Variants in AK9 observed in about 807,000 individuals in gnomAD.
AK9 encodes adenylate kinase domain containing 1.
AK9 carries 191 observed loss-of-function variants against 239.6 expected under a neutral mutation model. That is an observed-to-expected ratio of 0.80 (90% CI 0.71 to 0.90). AK9 has a LOEUF of 0.90. Among genes scored for constraint, AK9 ranks in the 40% least tolerant of loss-of-function variants. The probability of loss-of-function intolerance (pLI) is 0.00; values close to 1 mark genes in which losing one functional copy is unlikely to be tolerated. For synonymous variants in AK9, 689 were observed against 721.0 expected (o/e 0.96, Z 0.71); for missense variants, 1,995 against 2,214.7 (o/e 0.90, Z 1.99).
chr6:109,604,551 T>C (rs1321723629), intron 17 of AK9, among the ~76,000 whole-genome samples: 1 of 152,234 alleles, frequency 6.6e-6, no homozygotes, highest in Non-Finnish European at 1.5e-5. Flanking sequence ...AGTTTGTTTC[T>C]GTACCCTCTT....
chr6:109,516,933 C>CT (rs993423669), intron 29 of AK9, among the ~76,000 whole-genome samples: 6 of 151,838 alleles, frequency 4.0e-5, no homozygotes, highest in Non-Finnish European at 7.4e-5. Context: ...TTAAAAATTT[C>CT]TTTTTTTTCT....
At chr6:109,504,910 G>A (rs1342016070) in intron 35 of AK9, among the ~76,000 whole-genome samples, 2 of 152,170 alleles carry the variant, frequency 1.3e-5, no homozygotes, top group Non-Finnish European at 2.9e-5. Flanking sequence ...TTTTCATCTT[G>A]AGTCTGTTTC....
At chr6:109,655,794 T>G (rs989870115) in intron 8 of AK9, among the ~76,000 whole-genome samples, 2 of 152,192 alleles carry the variant, frequency 1.3e-5, no homozygotes, top group Non-Finnish European at 2.9e-5. Context: ...GTCAAGATAC[T>G]TTTATTGAAG....
intron 8 of AK9, among the ~76,000 whole-genome samples, chr6:109,655,152 T>C (rs946783670): frequency 2.0e-5 from 3 of 152,236 alleles, no homozygotes; most frequent in African/African-American, 7.2e-5. Flanking sequence ...TGTCAAAGGA[T>C]GGCCATACAA....
At chr6:109,574,451 A>T (rs534197050) in intron 20 of AK9, among the ~76,000 whole-genome samples, 10 of 152,304 alleles carry the variant, frequency 6.6e-5, no homozygotes, top group Non-Finnish European at 1.3e-4. Flanking sequence ...AGTGATAAAC[A>T]TATAAAGATA....
intron 13 of AK9, among the ~76,000 whole-genome samples, chr6:109,616,536 C>G (rs1000783006): frequency 9.0e-6 from 1 of 111,200 alleles, no homozygotes; most frequent in Admixed American, 1.1e-4. Context: ...GACCCCCACA[C>G]CCAACTAATT....
intron 38 of AK9, 103 bp from the exon 39 acceptor site, chr6:109,495,543 C>A: frequency 1.3e-6 from 1 of 763,904 alleles, no homozygotes; most frequent in Non-Finnish European, 1.9e-6. Context: ...ACTACTTTTT[C>A]TGCACTGGAG....
At chr6:109,510,383 CA>C (rs1309163586) in intron 32 of AK9, among the ~76,000 whole-genome samples, 1 of 151,962 alleles carries the variant, frequency 6.6e-6, no homozygotes, top group Non-Finnish European at 1.5e-5. Flanking sequence ...ACAGGACGAC[CA>C]ACTGCAGAGA....
At chr6:109,497,348 A>ACACAC in intron 38 of AK9, 117 bp downstream of exon 38, 1 of 623,418 alleles carries the variant, frequency 1.6e-6, no homozygotes, top group Admixed American at 2.8e-5. Context: ...ACACACACAC[A>ACACAC]CACACACACA....
At chr6:109,501,029 A>C (rs1299269543) in intron 35 of AK9, among the ~76,000 whole-genome samples, 1 of 152,188 alleles carries the variant, frequency 6.6e-6, no homozygotes, top group Non-Finnish European at 1.5e-5. Context: ...AAAATGAAAG[A>C]AAAGAAATAC....
intron 17 of AK9, among the ~76,000 whole-genome samples, chr6:109,601,549 T>C (rs1270429486): frequency 6.6e-5 from 10 of 152,210 alleles, no homozygotes; most frequent in Non-Finnish European, 8.8e-5. Flanking sequence ...GAAGATTGTA[T>C]ATTCTGTTGA....
intron 13 of AK9, among the ~76,000 whole-genome samples, chr6:109,615,534 G>A (rs565796577): frequency 6.6e-6 from 1 of 152,038 alleles, no homozygotes; most frequent in Non-Finnish European, 1.5e-5. Context: ...TAATTTTGAA[G>A]GTATTATACT....
chr6:109,563,116 T>C (rs905777450), intron 24 of AK9, among the ~76,000 whole-genome samples: 9 of 152,226 alleles, frequency 5.9e-5, no homozygotes, highest in African/African-American at 2.2e-4. Flanking sequence ...TATAACTTAA[T>C]AATATTACTT....
At chr6:109,564,379 A>G (rs1464647276) in intron 22 of AK9, 99 bp from the exon 23 acceptor site, 5 of 833,338 alleles carry the variant, frequency 6.0e-6, no homozygotes, top group Non-Finnish European at 9.0e-6. Flanking sequence ...TTTTTTAAAC[A>G]GTTAAAAAAA....
chr6:109,585,014 T>C, intron 19 of AK9, 109 bp downstream of exon 19: 1 of 763,268 alleles, frequency 1.3e-6, no homozygotes, highest in South Asian at 6.0e-5. Context: ...ATCAAGATAA[T>C]AAATTATCAT....
rs181062814 is a variant in AK9, at chr6:109,614,267, C to G, written c.1525G>C (p.Gly509Arg). The change falls in exon 15 of 41, where the codon GGC (glycine) becomes CGC (arginine). Residue 509 changes from glycine to arginine, a missense_variant. Physicochemically the swap from Gly to Arg is moderately radical, Grantham distance 125 (BLOSUM62 -2). Around this residue, in one of 5 missense-constraint regions of AK9, gnomAD observed 1,290 missense variants for 1,392.7 expected, o/e 0.93. Coordinates refer to ENST00000424296, the MANE Select transcript of AK9 (RefSeq NM_001145128.3). ...GYIQGSQRDR[G>R]SSLVDTEEAK... Reference sequence around the variant, plus strand: ...TCTTCGGTGTCCACTAAAGAGCTGCCTCTGTCCCTTTGGGAGCCTTGAATG... The same window carrying G: ...TCTTCGGTGTCCACTAAAGAGCTGCGTCTGTCCCTTTGGGAGCCTTGAATG... 6.4e-7 allele frequency: 1 copy of G among 1,551,402 alleles called. No homozygotes were observed. Among genetic ancestry groups the G allele is most frequent in the Admixed American group, 2.0e-5 (1 of 50,982 alleles).
intron 29 of AK9, chr6:109,527,739 G>C (rs1260722848): frequency 6.6e-6 from 1 of 152,154 alleles, no homozygotes; most frequent in East Asian, 1.9e-4. Flanking sequence ...TCTCAGGAGA[G>C]CTGACTTACA....
At chr6:109,533,502 C>A in intron 27 of AK9, 32 bp from the exon 28 acceptor site, 2 of 1,523,060 alleles carry the variant, frequency 1.3e-6, no homozygotes, top group Non-Finnish European at 1.8e-6. Context: ...TACTTTATTT[C>A]ATTAAAATGT....
chr6:109,624,414 A>G (rs1315734043), intron 12 of AK9, among the ~76,000 whole-genome samples: 1 of 152,168 alleles, frequency 6.6e-6, no homozygotes, highest in Non-Finnish European at 1.5e-5. Flanking sequence ...AGAATACATG[A>G]GAGGCAATTT....
Sources: gnomAD v4.1 joint callset for allele counts (sites outside exome capture counted in the v4.1 genomes callset) on GRCh38, gnomAD v4.1.1 for gene constraint, gnomAD v4.1.1 regional missense constraint, MANE v1.5 for transcripts, NCBI Gene and HGNC (gene_info 2026-07-23, HGNC 2026-07-21) for gene names.